RHOJ: variants seen among roughly 807,000 people sequenced by gnomAD.
RHOJ encodes the protein rho-related GTP-binding protein RhoJ.
RHOJ carries 11 observed loss-of-function variants against 23.4 expected under a neutral mutation model. The observed-to-expected ratio is 0.47, with a 90% CI of 0.30 to 0.78. RHOJ has a LOEUF of 0.78. Ranked by LOEUF, RHOJ falls within the 30% of genes least tolerant of loss-of-function variation. The pLI, the probability that RHOJ is intolerant of heterozygous loss-of-function variation, is 0.08. For synonymous variants in RHOJ, 102 were observed against 102.7 expected (o/e 0.99, Z 0.04); for missense variants, 254 against 273.4 (o/e 0.93, Z 0.50).
At chr14:63,258,571 G>C (rs985000192) in intron 1 of RHOJ, among the ~76,000 whole-genome samples, 5 of 152,134 alleles carry the variant, frequency 3.3e-5, no homozygotes, top group African/African-American at 1.2e-4. Flanking sequence ...AGGAGAGAAA[G>C]CACCCTTGGC....
At chr14:63,236,517 C>T (rs1894792098) in intron 1 of RHOJ, among the ~76,000 whole-genome samples, 2 of 152,050 alleles carry the variant, frequency 1.3e-5, no homozygotes, top group African/African-American at 4.8e-5. Context: ...TTTTTAAAAC[C>T]ATCAGATCTC....
chr14:63,254,704 G>A (rs1895131863), intron 1 of RHOJ, among the ~76,000 whole-genome samples: 1 of 152,118 alleles, frequency 6.6e-6, no homozygotes. Context: ...AGCTCACCCA[G>A]AGAAGATAAA....
At chr14:63,218,968 T>G (rs1894425402) in intron 1 of RHOJ, among the ~76,000 whole-genome samples, 1 of 152,026 alleles carries the variant, frequency 6.6e-6, no homozygotes, top group Non-Finnish European at 1.5e-5. Flanking sequence ...AGAGGAAGAG[T>G]AGAAGAGGGT....
At chr14:63,209,953 CTTTTT>C (rs978489778) in intron 1 of RHOJ, among the ~76,000 whole-genome samples, 1 of 146,908 alleles carries the variant, frequency 6.8e-6, no homozygotes, top group Non-Finnish European at 1.5e-5. Context: ...TTTTTTTTTC[CTTTTT>C]TTTCTTTTTT....
intron 4 of RHOJ, chr14:63,288,150 C>A (rs1882141383): frequency 1.0e-6 from 1 of 982,842 alleles, no homozygotes; most frequent in Admixed American, 6.1e-5. Flanking sequence ...AACTCAGTTA[C>A]ACAATAATGC....
chr14:63,286,741 A>G (rs1320443177), intron 4 of RHOJ, among the ~76,000 whole-genome samples: 3 of 152,204 alleles, frequency 2.0e-5, no homozygotes, highest in Admixed American at 6.5e-5. Context: ...AGTCTGCCAC[A>G]ATCCCCACCA....
chr14:63,211,674 TA>T (rs1301211834), intron 1 of RHOJ, among the ~76,000 whole-genome samples: 1 of 152,232 alleles, frequency 6.6e-6, no homozygotes, highest in African/African-American at 2.4e-5. Context: ...TTGTTAACTA[TA>T]GTCACTCTGT....
intron 1 of RHOJ, among the ~76,000 whole-genome samples, chr14:63,249,047 A>C (rs557191582): frequency 6.6e-6 from 1 of 152,350 alleles, no homozygotes; most frequent in South Asian, 2.1e-4. Flanking sequence ...GACATGGGAT[A>C]TACAACAGGT....
At chr14:63,229,380 A>T (rs994766038) in intron 1 of RHOJ, among the ~76,000 whole-genome samples, 3 of 152,266 alleles carry the variant, frequency 2.0e-5, no homozygotes, top group African/African-American at 7.2e-5. Context: ...TCAGAAGTCC[A>T]GCAGGCATGA....
At chr14:63,276,303 T>C (rs901402241) in intron 2 of RHOJ, among the ~76,000 whole-genome samples, 6 of 152,228 alleles carry the variant, frequency 3.9e-5, no homozygotes, top group Non-Finnish European at 7.3e-5. Flanking sequence ...GAGCGTAGTT[T>C]GGAAACCACT....
intron 2 of RHOJ, among the ~76,000 whole-genome samples, chr14:63,274,999 C>T (rs1881673158): frequency 6.6e-6 from 1 of 152,154 alleles, no homozygotes. Flanking sequence ...GAGCTCAGCG[C>T]CTCTCTTTGC....
intron 1 of RHOJ, among the ~76,000 whole-genome samples, chr14:63,207,151 C>T (rs1053783301): frequency 6.6e-6 from 1 of 151,966 alleles, no homozygotes; most frequent in Non-Finnish European, 1.5e-5. Flanking sequence ...CCTGCCTCAG[C>T]CTCCTGAGTA....
Position 63,205,042 on chromosome 14 carries a change from A to G in RHOJ, c.173A>G (p.Tyr58Cys), listed in dbSNP as rs781533128. 1.9e-6 allele frequency: 3 copies of G among 1,612,338 alleles called. No homozygotes were observed. Among genetic ancestry groups the G allele is most frequent in the Non-Finnish European group, 2.5e-6 (3 of 1,178,830 alleles). Residue 58 changes from tyrosine (Y) to cysteine (C), a missense_variant, in exon 1 of 5, where the codon TAT becomes TGT. Transcript: ENST00000316754. Reference protein sequence around the residue: ...EEYVPTVFDHYAVTVTVGGKQ... With the variant: ...EEYVPTVFDHCAVTVTVGGKQ... The stretch of plus-strand genomic sequence containing the variant: ...TACGTGCCCACTGTGTTTGACCACT[A>G]TGCAGGTAAGAAAAAGTGGGAAACT...
At chr14:63,219,141 A>G (rs918370931) in intron 1 of RHOJ, among the ~76,000 whole-genome samples, 2 of 152,164 alleles carry the variant, frequency 1.3e-5, no homozygotes, top group African/African-American at 4.8e-5. Flanking sequence ...AGAGAATTAT[A>G]TTTTATTGGC....
At chr14:63,252,681 C>G (rs1895093427) in intron 1 of RHOJ, among the ~76,000 whole-genome samples, 1 of 152,178 alleles carries the variant, frequency 6.6e-6, no homozygotes, top group South Asian at 2.1e-4. Flanking sequence ...ACCCCTGACT[C>G]TCACTCCTAG....
intron 1 of RHOJ, among the ~76,000 whole-genome samples, chr14:63,250,047 C>T (rs936425379): frequency 6.6e-6 from 1 of 152,166 alleles, no homozygotes; most frequent in African/African-American, 2.4e-5. Flanking sequence ...GCAAGTCACC[C>T]ATTTGTGCAT....
intron 2 of RHOJ, among the ~76,000 whole-genome samples, chr14:63,272,119 C>A (rs1000838363): frequency 1.3e-5 from 2 of 152,136 alleles, no homozygotes; most frequent in Non-Finnish European, 2.9e-5. Context: ...ACTACCTAAA[C>A]GTTTCTGGTG....
Position 63,226,645 on chromosome 14 carries a change from A to T in RHOJ, c.178+21598A>T, listed in dbSNP as rs552356531. On this transcript the variant is annotated intron_variant, in intron 1 of 4. Transcript: ENST00000316754. Reference sequence around the variant, plus strand: ...TATGTATAACTGGAGTTCCCAAAGGATGAAAGAATAAAAGCATAGTAATGT... The same window carrying T: ...TATGTATAACTGGAGTTCCCAAAGGTTGAAAGAATAAAAGCATAGTAATGT... Among the ~76,000 whole-genome samples, 3 of 151,854 alleles carry T rather than the reference A, an allele frequency of 2.0e-5. No homozygotes were observed. In the South Asian group the frequency reaches 6.2e-4, roughly 31 times the overall value.
At chr14:63,272,704 C>G (rs149517275) in intron 2 of RHOJ, among the ~76,000 whole-genome samples, 7 of 152,302 alleles carry the variant, frequency 4.6e-5, no homozygotes, top group Admixed American at 2.6e-4. Flanking sequence ...CCTGCCCCTC[C>G]GCAATTCAGG....
Sources: gnomAD v4.1 joint callset for allele counts (sites outside exome capture counted in the v4.1 genomes callset) on GRCh38, gnomAD v4.1.1 for gene constraint, MANE v1.5 for transcripts, NCBI Gene and HGNC (gene_info 2026-07-23, HGNC 2026-07-21) for gene names.